MMP15: variants seen among roughly 807,000 people sequenced by gnomAD.
The protein encoded by MMP15 is matrix metallopeptidase 15.
Under a neutral mutation model 65.0 loss-of-function variants are expected in MMP15, and 36 were observed. The observed-to-expected ratio is 0.55, with a 90% CI of 0.42 to 0.73. MMP15 has a LOEUF of 0.73. Among genes scored for constraint, MMP15 ranks in the 30% least tolerant of loss-of-function variants. The probability of loss-of-function intolerance (pLI) is 0.00; values close to 1 mark genes in which losing one functional copy is unlikely to be tolerated. For synonymous variants in MMP15, 428 were observed against 410.2 expected, an observed-to-expected ratio of 1.04 and a Z score of -0.52; for missense variants, 870 against 987.8, an observed-to-expected ratio of 0.88 and a Z score of 1.60.
chr16:58,032,376 G>A (rs567936055), intron 1 of MMP15, among the ~76,000 whole-genome samples: 40 of 151,036 alleles, frequency 2.6e-4, no homozygotes, highest in African/African-American at 8.3e-4. Context: ...GCTGACTTCC[G>A]CTCAGCCTGA....
chr16:58,039,983 C>T lies in MMP15; in HGVS notation c.549C>T (p.Pro183=). The change falls in exon 4 of 10, where the codon CCC becomes CCT. Residue 183 remains proline (P), a synonymous_variant. Coordinates refer to ENST00000219271, the MANE Select transcript of MMP15 (RefSeq NM_002428.4). The stretch of plus-strand genomic sequence containing the variant: ...CGCCCCTGGTCTTCCAGGAGGTGCC[C>T]TATGAGGACATCCGGCTGCGGCGAC... ...QATPLVFQEV[P]YEDIRLRRQK... is the part of the protein sequence containing the mutation. 6.2e-7 allele frequency: 1 copy of T among 1,613,992 alleles called. No homozygotes were observed. The highest frequency in any genetic ancestry group is 8.5e-7 in the Non-Finnish European group (1 of 1,180,044).
In MMP15 at chr16:58,045,762, T is replaced by G; in HGVS notation, c.*316T>G. The G allele has an allele frequency of 2.8e-6, 1 of 361,012 alleles. No individual in the cohort carries two copies. The allele number at this position is 361,012 out of a possible 1,614,324, so 22.4% of individuals were successfully genotyped here. On this transcript the variant is annotated 3_prime_UTR_variant, in exon 10 of 10. Transcript: ENST00000219271. The stretch of plus-strand genomic sequence containing the variant: ...GGAGCAGAGGGGCAGAGGCCCACAT[T>G]GGAAGAGCAGCACCTCCTCAGCCTG...
rs572339129 is a variant in MMP15, at chr16:58,037,560, C to G, written c.251C>G (p.Ala84Gly). Residue 84 changes from alanine (A) to glycine (G), a missense_variant, in exon 2 of 10, where the codon GCA (alanine) becomes GGA (glycine). Physicochemically the swap from Ala to Gly is moderately conservative, Grantham distance 60. Coordinates refer to ENST00000219271, the MANE Select transcript of MMP15 (RefSeq NM_002428.4). ...GCCCAGATCTTGGCCTCGGCCCTTGCAGAGATGCAGCGCTTCTACGGGATC... is the reference window on the plus strand; with the variant it reads ...GCCCAGATCTTGGCCTCGGCCCTTGGAGAGATGCAGCGCTTCTACGGGATC... ...RSAQILASALAEMQRFYGIPV... is the reference protein window; with the variant it reads ...RSAQILASALGEMQRFYGIPV... The G allele has an allele frequency of 2.5e-6, 4 of 1,614,206 alleles. No homozygotes were observed. The highest frequency in any genetic ancestry group is 1.1e-5 in the South Asian group (1 of 91,088).
chr16:58,041,400 A>T (rs1959448269), intron 5 of MMP15, among the ~76,000 whole-genome samples: 1 of 152,158 alleles, frequency 6.6e-6, no homozygotes, highest in Non-Finnish European at 1.5e-5. Context: ...CACCCTCAGG[A>T]GCACAGTGAC....
At chr16:58,035,781 C>T (rs1036388636) in intron 1 of MMP15, among the ~76,000 whole-genome samples, 1 of 152,190 alleles carries the variant, frequency 6.6e-6, no homozygotes, top group Non-Finnish European at 1.5e-5. Context: ...TGAGAGGCCT[C>T]AAAGCTGTGG....
chr16:58,037,262 A>T (rs1034304909), intron 1 of MMP15, among the ~76,000 whole-genome samples: 5 of 152,238 alleles, frequency 3.3e-5, no homozygotes, highest in African/African-American at 1.2e-4. Context: ...AGGATTGACC[A>T]GACCTGACCT....
At chr16:58,029,728 C>T (rs551572658) in intron 1 of MMP15, among the ~76,000 whole-genome samples, 6 of 152,328 alleles carry the variant, frequency 3.9e-5, no homozygotes, top group African/African-American at 1.4e-4. Flanking sequence ...ATAAATACCT[C>T]CTTTGCCCCA....
Position 58,033,616 on chromosome 16 carries a change from G to T in MMP15, c.163-3856G>T, listed in dbSNP as rs147099066. On this transcript the variant is annotated intron_variant, in intron 1 of 9. Transcript: ENST00000219271. ...GGGATGGGGTCTGGAAGTCAAGAAA[G>T]AAATTGGCCAGGCGTGGTGGCTCCG... is the stretch of plus-strand genomic sequence containing the variant. Among the ~76,000 whole-genome samples the T allele has an allele frequency of 7.0e-3, 1,062 of 152,336 alleles. 12 individuals carry two copies. The highest frequency in any genetic ancestry group is 0.024 in the African/African-American group (1,004 of 41,582).
Position 58,026,518 on chromosome 16 carries a change from A to G in MMP15, c.162+6A>G. The G allele has an allele frequency of 7.5e-7, 1 of 1,328,642 alleles. No homozygotes were observed. The highest frequency in any genetic ancestry group is 9.6e-7 in the Non-Finnish European group (1 of 1,036,866). 82.3% of individuals were successfully genotyped at this position (1,328,642 alleles called of 1,614,324 possible). On this transcript the variant is annotated splice_donor_region_variant and intron_variant, in intron 1 of 9. Coordinates refer to ENST00000219271, the MANE Select transcript of MMP15 (RefSeq NM_002428.4). ...ACGCGGAGGTCCATGCCGAGGTAAG[A>G]CCCCCGCCCTGCCCTTTGGCTGCGG...
At position 58,045,648 on chromosome 16, in the gene MMP15, G is replaced by C. The variant is rs1419607089; in HGVS notation, c.*202G>C. 1.8e-6 allele frequency: 1 copy of C among 571,174 alleles called. No homozygotes were observed. The highest frequency in any genetic ancestry group is 3.0e-6 in the Non-Finnish European group (1 of 328,422). 35.4% of individuals were successfully genotyped at this position (571,174 alleles called of 1,614,324 possible). Reference sequence around the variant, plus strand: ...ACCATTTGTTTCTGTTTCCCCGACTGGGGCAGGGTGTTTAGAATTTTCTAA... The same window carrying C: ...ACCATTTGTTTCTGTTTCCCCGACTCGGGCAGGGTGTTTAGAATTTTCTAA... On this transcript the variant is annotated 3_prime_UTR_variant, in exon 10 of 10. Coordinates refer to ENST00000219271, the MANE Select transcript of MMP15 (RefSeq NM_002428.4).
intron 1 of MMP15, among the ~76,000 whole-genome samples, chr16:58,027,931 C>T (rs911451769): frequency 6.6e-6 from 1 of 152,052 alleles, no homozygotes; most frequent in African/African-American, 2.4e-5. Context: ...TACCCCTCAG[C>T]CTGTGACCCA....
intron 1 of MMP15, among the ~76,000 whole-genome samples, chr16:58,029,326 C>G (rs1348036838): frequency 2.6e-5 from 4 of 152,222 alleles, no homozygotes; most frequent in African/African-American, 7.2e-5. Flanking sequence ...CTGGTCCCCT[C>G]TTTCTTTTAA....
At chr16:58,031,926 G>T (rs1383813416) in intron 1 of MMP15, among the ~76,000 whole-genome samples, 2 of 140,664 alleles carry the variant, frequency 1.4e-5, no homozygotes, top group Non-Finnish European at 3.0e-5. Flanking sequence ...GGAGTGCAGT[G>T]GCGTGATCTC....
chr16:58,042,498 C>T, intron 7 of MMP15, 129 bp downstream of exon 7: 3 of 1,312,118 alleles, frequency 2.3e-6, no homozygotes, highest in Admixed American at 2.2e-5. Context: ...TGTGGGCTCA[C>T]TCTGGGAGGA....
In MMP15 at chr16:58,045,389, C is replaced by T. The variant is rs1959543886; in HGVS notation, c.1953C>T (p.Arg651=). Residue 651 remains arginine, a synonymous_variant, in exon 10 of 10, where the codon CGC becomes CGT. Coordinates refer to ENST00000219271, the MANE Select transcript of MMP15 (RefSeq NM_002428.4). ...CCTACGCGCTGGTGCAGATGCAGCG[C>T]AAGGGTGCGCCACGTGTCCTGCTTT... The part of the protein sequence containing the change: ...GLTYALVQMQ[R]KGAPRVLLYC... The T allele has an allele frequency of 1.3e-6, 2 of 1,582,788 alleles. No homozygotes were observed. The highest frequency in any genetic ancestry group is 1.7e-6 in the Non-Finnish European group (2 of 1,166,866).
intron 5 of MMP15, 29 bp from the exon 6 acceptor site, chr16:58,041,588 C>A (rs557233174): frequency 4.5e-6 from 7 of 1,562,184 alleles, no homozygotes; most frequent in Non-Finnish European, 6.1e-6. Flanking sequence ...GAACACAGAC[C>A]TCACTTCTGA....
Position 58,045,504 on chromosome 16 carries a change from C to T in MMP15, c.*58C>T, listed in dbSNP as rs1327100219. 36 of 1,418,438 alleles carry T rather than the reference C, an allele frequency of 2.5e-5. No individual in the cohort carries two copies. In the East Asian group the frequency reaches 8.0e-4, roughly 32 times the overall value. 87.9% of individuals were successfully genotyped at this position (1,418,438 alleles called of 1,614,324 possible). ...GGCGCCTGTGGTTCTGAGATGGCTCCCAGGGGCTCCCTCCGCCCCCAGGTA... is the reference window on the plus strand; with the variant it reads ...GGCGCCTGTGGTTCTGAGATGGCTCTCAGGGGCTCCCTCCGCCCCCAGGTA... On this transcript the variant is annotated 3_prime_UTR_variant, in exon 10 of 10. Coordinates refer to ENST00000219271, the MANE Select transcript of MMP15 (RefSeq NM_002428.4).
At position 58,039,921 on chromosome 16, in the gene MMP15, G is replaced by A. The variant is rs1471355673; in HGVS notation, c.487G>A (p.Ala163Thr). The part of the protein sequence containing the change: ...EKLGWYHSME[A>T]VRRAFRVWEQ... ...GTTGGGCTGGTACCACTCGATGGAGGCGGTGCGCAGGGCCTTCCGCGTGTG... is the reference window on the plus strand; with the variant it reads ...GTTGGGCTGGTACCACTCGATGGAGACGGTGCGCAGGGCCTTCCGCGTGTG... Residue 163 changes from alanine to threonine, a missense_variant, in exon 4 of 10, where the codon GCG (alanine) becomes ACG (threonine). Physicochemically the swap from Ala to Thr is moderately conservative, Grantham distance 58 (BLOSUM62 0). Transcript: ENST00000219271. 1 of 1,610,652 alleles carries A rather than the reference G, an allele frequency of 6.2e-7. No individual in the cohort carries two copies. The highest frequency in any genetic ancestry group is 8.5e-7 in the Non-Finnish European group (1 of 1,177,496).
Position 58,041,809 on chromosome 16 carries a change from A to G in MMP15, c.1103A>G (p.Asn368Ser), listed in dbSNP as rs923836916. 4.3e-6 allele frequency: 7 copies of G among 1,612,150 alleles called. No homozygotes were observed. The highest frequency in any genetic ancestry group is 2.7e-5 in the African/African-American group (2 of 74,882). The change falls in exon 6 of 10, where the codon AAC (asparagine) becomes AGC (serine). Residue 368 changes from asparagine (N) to serine (S), a missense_variant. Asn to Ser is a conservative substitution (Grantham distance 46). Coordinates refer to ENST00000219271, the MANE Select transcript of MMP15 (RefSeq NM_002428.4). Reference protein sequence around the residue: ...ATERPDQYGPNICDGDFDTVA... With the variant: ...ATERPDQYGPSICDGDFDTVA... ...GAGCGGCCCGACCAGTATGGCCCCAACATCTGCGACGGGGACTTTGACACA... is the reference window on the plus strand; with the variant it reads ...GAGCGGCCCGACCAGTATGGCCCCAGCATCTGCGACGGGGACTTTGACACA...
Sources: allele counts gnomAD v4.1 joint callset (sites outside exome capture counted in the v4.1 genomes callset), GRCh38; gene constraint gnomAD v4.1.1; transcripts MANE v1.5; gene names NCBI Gene and HGNC (gene_info 2026-07-23, HGNC 2026-07-21).